CACNA1E: variants seen among roughly 807,000 people sequenced by gnomAD.
CACNA1E encodes voltage-dependent R-type calcium channel subunit alpha-1E.
In CACNA1E, 40 loss-of-function variants were observed where a neutral mutation model predicts 259.2. That is an observed-to-expected ratio of 0.15 (90% CI 0.12 to 0.20). CACNA1E has a LOEUF of 0.20. CACNA1E is among the 10% of genes least tolerant of loss of function. The pLI is 1.00. For missense variants in CACNA1E, 1,874 were observed against 3,040.1 expected, an observed-to-expected ratio of 0.62 and a Z score of 9.02; for synonymous variants, 1,104 against 1,138.5, an observed-to-expected ratio of 0.97 and a Z score of 0.61.
chr1:181,526,202 A>C (rs1268782865), intron 3 of CACNA1E, among the ~76,000 whole-genome samples: 1 of 152,162 alleles, frequency 6.6e-6, no homozygotes, highest in Non-Finnish European at 1.5e-5. Flanking sequence ...AATTCTTGGC[A>C]ACATCCCTGT....
chr1:181,319,052 C>T (rs911015124), intron 1 of CACNA1E, among the ~76,000 whole-genome samples: 4 of 152,188 alleles, frequency 2.6e-5, no homozygotes, highest in Admixed American at 1.3e-4. Flanking sequence ...TTCCTCCTTG[C>T]GCAGAGGACT....
intron 38 of CACNA1E, among the ~76,000 whole-genome samples, chr1:181,779,819 T>TACACACACACACAC (rs56301632): frequency 0.018 from 2,696 of 148,336 alleles, 40 homozygotes; most frequent in Non-Finnish European, 0.024. Context: ...TATGCACATG[T>TACACACACACACAC]ACACACACAC....
chr1:181,389,510 T>C (rs537030294), intron 1 of CACNA1E, among the ~76,000 whole-genome samples: 1 of 152,326 alleles, frequency 6.6e-6, no homozygotes, highest in Admixed American at 6.5e-5. Context: ...GAATCTGCAA[T>C]TAATGAGGAT....
At chr1:181,784,543 C>T (rs1660701381) in intron 40 of CACNA1E, 118 bp from the exon 41 acceptor site, 2 of 649,782 alleles carry the variant, frequency 3.1e-6, no homozygotes, top group Non-Finnish European at 5.3e-6. Flanking sequence ...CACTCAGTGC[C>T]AAGATTTCCT....
chr1:181,736,663 G>A (rs1025866112), intron 22 of CACNA1E, among the ~76,000 whole-genome samples: 10 of 152,182 alleles, frequency 6.6e-5, no homozygotes, highest in African/African-American at 2.4e-4. Flanking sequence ...AACATCGACA[G>A]GAGAACATGA....
rs1415080147 is a variant in CACNA1E at position 181,485,009 on chromosome 1, T to G, written c.266+999T>G. On this transcript the variant is annotated intron_variant, in intron 1 of 47. Transcript: ENST00000367573. This position sits in a 1 kb window ranked among gnomAD's most constrained non-coding sequence, Gnocchi z 4.2. The stretch of plus-strand genomic sequence containing the variant: ...GCTGATTAGGCAGCTCACTGCCTTG[T>G]TCTTCACTAAGGATTGGACGCCTGG... 6.6e-6 allele frequency among the ~76,000 whole-genome samples: 1 copy of G among 152,244 alleles called. No individual in the cohort carries two copies. Among genetic ancestry groups the G allele is most frequent in the Non-Finnish European group, 1.5e-5 (1 of 68,040 alleles).
chr1:181,438,125 C>G (rs186965461), intron 2 of CACNA1E, among the ~76,000 whole-genome samples: 1 of 152,216 alleles, frequency 6.6e-6, no homozygotes, highest in African/African-American at 2.4e-5. Flanking sequence ...GGTGGCCATA[C>G]TCCCTTGGGG....
At chr1:181,536,731 G>C (rs1161417599) in intron 3 of CACNA1E, among the ~76,000 whole-genome samples, 1 of 152,148 alleles carries the variant, frequency 6.6e-6, no homozygotes, top group Non-Finnish European at 1.5e-5. Flanking sequence ...ACCTGCTGCT[G>C]GATGGGTCAC....
At chr1:181,359,595 T>C (rs1653710676) in intron 1 of CACNA1E, among the ~76,000 whole-genome samples, 1 of 152,094 alleles carries the variant, frequency 6.6e-6, no homozygotes, top group Non-Finnish European at 1.5e-5. Flanking sequence ...CTAGAAGTAG[T>C]TCCGATACTC....
intron 1 of CACNA1E, among the ~76,000 whole-genome samples, chr1:181,344,813 A>C (rs1652461206): frequency 6.6e-6 from 1 of 152,188 alleles, no homozygotes; most frequent in Non-Finnish European, 1.5e-5. Flanking sequence ...GGGAACCTGA[A>C]GTCTTTCTTT....
intron 6 of CACNA1E, among the ~76,000 whole-genome samples, chr1:181,624,081 G>T (rs921944143): frequency 6.6e-6 from 1 of 152,238 alleles, no homozygotes; most frequent in South Asian, 2.1e-4. Flanking sequence ...CACATGGTGA[G>T]AGCAGGAAGC....
chr1:181,458,156 C>T (rs1449499030), intron 2 of CACNA1E, among the ~76,000 whole-genome samples: 2 of 152,142 alleles, frequency 1.3e-5, no homozygotes, highest in African/African-American at 4.8e-5. Context: ...TTCTCATGCC[C>T]CAGTTTGTCC....
intron 46 of CACNA1E, 70 bp downstream of exon 46, chr1:181,795,114 A>G: frequency 7.7e-7 from 1 of 1,294,586 alleles, no homozygotes; most frequent in Middle Eastern, 1.9e-4. Context: ...CTTACTCTCC[A>G]AGGACTGTAG....
intron 2 of CACNA1E, among the ~76,000 whole-genome samples, chr1:181,451,628 G>A (rs1571904579): frequency 6.6e-6 from 1 of 152,196 alleles, no homozygotes; most frequent in Admixed American, 6.5e-5. Context: ...GTTGCAGTGA[G>A]CTGAGATCAT....
At chr1:181,677,150 G>T (rs1649458523) in intron 7 of CACNA1E, among the ~76,000 whole-genome samples, 1 of 152,032 alleles carries the variant, frequency 6.6e-6, no homozygotes, top group African/African-American at 2.4e-5. Context: ...TTGTTCCTAT[G>T]ACTGGATGGT....
At chr1:181,704,480 A>G (rs1424988919) in intron 7 of CACNA1E, among the ~76,000 whole-genome samples, 1 of 152,170 alleles carries the variant, frequency 6.6e-6, no homozygotes, top group Admixed American at 6.5e-5. Flanking sequence ...CCTAAAGCAA[A>G]GACTTTACAG....
At chr1:181,705,873 C>T (rs1015235217) in intron 7 of CACNA1E, among the ~76,000 whole-genome samples, 1 of 152,086 alleles carries the variant, frequency 6.6e-6, no homozygotes, top group Non-Finnish European at 1.5e-5. Context: ...GGTGACTGTC[C>T]AGTTTGTAAG....
At chr1:181,362,358 G>A (rs1653945839) in intron 1 of CACNA1E, among the ~76,000 whole-genome samples, 1 of 152,218 alleles carries the variant, frequency 6.6e-6, no homozygotes, top group Non-Finnish European at 1.5e-5. Flanking sequence ...GTGGATGGCA[G>A]CAAGACCTCC....
intron 33 of CACNA1E, 114 bp downstream of exon 33, chr1:181,762,771 A>G: frequency 3.0e-6 from 2 of 661,612 alleles, no homozygotes; most frequent in Non-Finnish European, 5.3e-6. Flanking sequence ...GTACCCCTCT[A>G]AGTGTTGGGA....
Sources: allele counts gnomAD v4.1 joint callset (sites outside exome capture counted in the v4.1 genomes callset), GRCh38; gene constraint gnomAD v4.1.1; non-coding constraint Gnocchi (gnomAD v3.1); transcripts MANE v1.5; gene names NCBI Gene and HGNC (gene_info 2026-07-23, HGNC 2026-07-21).